STOML3: variants seen among roughly 807,000 people sequenced by gnomAD.
STOML3 encodes the protein stomatin-like protein 3.
STOML3 carries 31 observed loss-of-function variants against 29.5 expected under a neutral mutation model. That is an observed-to-expected ratio of 1.05 (90% CI 0.79 to 1.42). STOML3 has a LOEUF of 1.42. STOML3 is among the 40% of genes most tolerant of loss of function. STOML3 has a pLI of 0.00. For missense variants in STOML3, 380 were observed against 363.0 expected (o/e 1.05, Z -0.38); for synonymous variants, 122 against 139.8 (o/e 0.87, Z 0.90).
chr13:38,976,522 C>A lies in STOML3; in HGVS notation c.229+18G>T, dbSNP rs201122435. On this transcript the variant is annotated intron_variant, in intron 3 of 6. Transcript: ENST00000379631. ...GGTGTCCCTGATCTTTCAGGGGCAG[C>A]CACCGCGTCATTCATACCTGGCCCC... 1.2e-4 allele frequency: 198 copies of A among 1,613,844 alleles called. No homozygotes were observed. Among genetic ancestry groups the A allele is most frequent in the Middle Eastern group, 1.7e-4 (1 of 6,028 alleles).
At chr13:38,986,055 T>C (rs1868528986) in intron 1 of STOML3, among the ~76,000 whole-genome samples, 1 of 120,182 alleles carries the variant, frequency 8.3e-6, no homozygotes, top group Non-Finnish European at 1.7e-5. Context: ...TTTTTTTTTT[T>C]GGTTTGTTTG....
intron 1 of STOML3, among the ~76,000 whole-genome samples, chr13:38,988,168 A>G (rs1480404303): frequency 1.1e-5 from 1 of 92,010 alleles, no homozygotes; most frequent in Non-Finnish European, 1.8e-5. Flanking sequence ...TTTATATATA[A>G]TATATTATAT....
At chr13:38,988,949 T>C (rs982440300) in intron 1 of STOML3, among the ~76,000 whole-genome samples, 34 of 144,934 alleles carry the variant, frequency 2.3e-4, no homozygotes, top group African/African-American at 7.3e-4. Context: ...ATATTATATA[T>C]ACTATATTAC....
In STOML3 at chr13:38,970,383, G is replaced by A. The variant is rs141571739; in HGVS notation, c.318C>T (p.Leu106=). The A allele has an allele frequency of 2.5e-6, 4 of 1,613,846 alleles. No individual in the cohort carries two copies. In the African/African-American group the frequency reaches 4.0e-5, roughly 16 times the overall value. Residue 106 remains leucine, a synonymous_variant, in exon 5 of 7, where the codon CTC becomes CTT. Coordinates refer to ENST00000379631, the MANE Select transcript of STOML3 (RefSeq NM_145286.3). ...CCTGAGTAGTTACGGAGTCTCTGGT[G>A]AGGATCTGTGGAGTAAGAACAGGGC... ...VTCNIPPQEI[L]TRDSVTTQVD...
At chr13:38,979,917 G>A (rs1487190871) in intron 1 of STOML3, 8 of 824,190 alleles carry the variant, frequency 9.7e-6, no homozygotes, top group African/African-American at 6.7e-5. Flanking sequence ...CACAGCACAC[G>A]CAGGCAGCTG....
chr13:38,977,152 G>A (rs1381078293), intron 1 of STOML3, among the ~76,000 whole-genome samples: 2 of 152,230 alleles, frequency 1.3e-5, no homozygotes, highest in Non-Finnish European at 2.9e-5. Flanking sequence ...ATCATCAGAT[G>A]TCTGGGTCCT....
chr13:38,990,600 C>CT, intron 1 of STOML3, 70 bp downstream of exon 1: 1 of 1,522,294 alleles, frequency 6.6e-7, no homozygotes, highest in Non-Finnish European at 9.1e-7. Flanking sequence ...CTATACCTGT[C>CT]TATAATGCTA....
chr13:38,989,805 T>C (rs577129325), intron 1 of STOML3, among the ~76,000 whole-genome samples: 1 of 152,264 alleles, frequency 6.6e-6, no homozygotes, highest in East Asian at 1.9e-4. Flanking sequence ...GCCTAGTTTT[T>C]TCTTTTATGT....
intron 1 of STOML3, among the ~76,000 whole-genome samples, chr13:38,984,858 G>A (rs928305301): frequency 6.6e-6 from 1 of 152,076 alleles, no homozygotes; most frequent in Non-Finnish European, 1.5e-5. Flanking sequence ...CTGAATGCAG[G>A]TATTTTATTT....
chr13:38,989,196 T>G (rs550929571), intron 1 of STOML3, among the ~76,000 whole-genome samples: 4 of 151,924 alleles, frequency 2.6e-5, no homozygotes, highest in Admixed American at 1.3e-4. Flanking sequence ...ATTTTGTTCA[T>G]TCTGTGATAG....
At chr13:38,973,830 A>G (rs867129163) in intron 3 of STOML3, among the ~76,000 whole-genome samples, 3 of 152,346 alleles carry the variant, frequency 2.0e-5, no homozygotes, top group Middle Eastern at 3.4e-3. Context: ...TTCTTATAAT[A>G]AAGATACTTA....
At chr13:38,971,049 T>C (rs1032938374) in intron 4 of STOML3, among the ~76,000 whole-genome samples, 2 of 152,084 alleles carry the variant, frequency 1.3e-5, no homozygotes, top group East Asian at 3.9e-4. Context: ...TTTTTTTTTT[T>C]TGAGATGGAG....
intron 1 of STOML3, among the ~76,000 whole-genome samples, chr13:38,985,396 C>G (rs1448511987): frequency 6.6e-6 from 1 of 151,970 alleles, no homozygotes; most frequent in Admixed American, 6.6e-5. Flanking sequence ...GCATTCCAGC[C>G]TGGGAAACAG....
intron 1 of STOML3, among the ~76,000 whole-genome samples, chr13:38,986,528 C>T (rs1868563072): frequency 6.6e-6 from 1 of 152,076 alleles, no homozygotes; most frequent in Non-Finnish European, 1.5e-5. Context: ...TTTCTATGTT[C>T]ACTTCCAATC....
At chr13:38,987,823 T>A (rs1405058093) in intron 1 of STOML3, among the ~76,000 whole-genome samples, 8 of 90,416 alleles carry the variant, frequency 8.8e-5, no homozygotes, top group Non-Finnish European at 1.6e-4. Flanking sequence ...ATATTATATT[T>A]TATATAATAT....
chr13:38,975,548 G>A (rs1393542174), intron 3 of STOML3, among the ~76,000 whole-genome samples: 1 of 152,018 alleles, frequency 6.6e-6, no homozygotes, highest in Non-Finnish European at 1.5e-5. Context: ...GGGGCAGAAA[G>A]CAAATGTTAT....
chr13:38,982,285 A>G (rs1338948646), intron 1 of STOML3, among the ~76,000 whole-genome samples: 1 of 151,958 alleles, frequency 6.6e-6, no homozygotes, highest in African/African-American at 2.4e-5. Flanking sequence ...AACAAAAACA[A>G]AATTGTCATT....
intron 1 of STOML3, among the ~76,000 whole-genome samples, chr13:38,984,048 A>G (rs1868404531): frequency 6.6e-6 from 1 of 152,086 alleles, no homozygotes; most frequent in Non-Finnish European, 1.5e-5. Flanking sequence ...CCTCATGCTG[A>G]ATACCATCAC....
Position 38,971,961 on chromosome 13 carries a change from C to G in STOML3, c.312+551G>C, listed in dbSNP as rs186245235. Among the ~76,000 whole-genome samples, 6 of 152,148 alleles carry G rather than the reference C, an allele frequency of 3.9e-5. No homozygotes were observed. In the East Asian group the frequency reaches 1.2e-3, roughly 29 times the overall value. ...AACAAACAAACAAAAAAAAGACTTA[C>G]GCAAAATACAAACACAAGTGGGCCC... On this transcript the variant is annotated intron_variant, in intron 4 of 6. Transcript: ENST00000379631.
Sources: allele counts gnomAD v4.1 joint callset (sites outside exome capture counted in the v4.1 genomes callset), GRCh38; gene constraint gnomAD v4.1.1; transcripts MANE v1.5; gene names NCBI Gene and HGNC (gene_info 2026-07-23, HGNC 2026-07-21).